HERC2: variants seen among roughly 807,000 people sequenced by gnomAD.
HERC2 encodes E3 ubiquitin-protein ligase HERC2.
HERC2 carries 102 observed loss-of-function variants against 537.7 expected under a neutral mutation model. That is an observed-to-expected ratio of 0.19 (90% CI 0.16 to 0.22). HERC2 has a LOEUF of 0.22. HERC2 is among the 10% of genes least tolerant of loss of function. HERC2 has a pLI of 1.00. For missense variants in HERC2, 4,236 were observed against 6,198.2 expected, an observed-to-expected ratio of 0.68 and a Z score of 10.63; for synonymous variants, 2,224 against 2,466.2, an observed-to-expected ratio of 0.90 and a Z score of 2.91.
chr15:28,210,339 T>C (rs1310725339), intron 44 of HERC2, among the ~76,000 whole-genome samples: 1 of 152,182 alleles, frequency 6.6e-6, no homozygotes, highest in Non-Finnish European at 1.5e-5. Flanking sequence ...TTCACCATGT[T>C]AGCCAGGATG....
intron 2 of HERC2, among the ~76,000 whole-genome samples, chr15:28,306,129 G>A (rs1183510121): frequency 3.3e-5 from 5 of 152,204 alleles, no homozygotes; most frequent in African/African-American, 1.2e-4. Flanking sequence ...GTGACAGTGG[G>A]CATCCGTGTC....
intron 5 of HERC2, among the ~76,000 whole-genome samples, chr15:28,275,495 C>G (rs994579365): frequency 2.6e-5 from 4 of 152,236 alleles, no homozygotes; most frequent in Admixed American, 2.6e-4. Context: ...GGGCATTGCC[C>G]TCTTCTGACG....
At chr15:28,271,933 C>A (rs1326141730) in intron 9 of HERC2, 12 of 456,442 alleles carry the variant, frequency 2.6e-5, no homozygotes, top group Non-Finnish European at 4.6e-5. Context: ...TAGGAAGGAC[C>A]AACAAAGCAG....
chr15:28,240,200 C>T (rs1329506984), intron 23 of HERC2, among the ~76,000 whole-genome samples: 5 of 152,196 alleles, frequency 3.3e-5, no homozygotes, highest in African/African-American at 4.8e-5. Flanking sequence ...GGGCAGATCA[C>T]AAGGTCAGGA....
In HERC2 at chr15:28,123,115, A is replaced by G. The variant is rs150268966; in HGVS notation, c.13188+922T>C. On this transcript the variant is annotated intron_variant, in intron 85 of 92. Transcript: ENST00000261609. ...CTCTCATCAGAGAGATGGTCTTTCC[A>G]TTAAACACAAGCCTGACCACTTCCA... 5.6e-3 allele frequency among the ~76,000 whole-genome samples: 854 copies of G among 152,286 alleles called. 6 individuals carry two copies. Among genetic ancestry groups the G allele is most frequent in the African/African-American group, 0.019 (808 of 41,556 alleles).
Position 28,265,509 on chromosome 15 carries a change from G to A in HERC2, c.1870+109C>T, listed in dbSNP as rs567079533. 6.5e-4 allele frequency: 543 copies of A among 841,828 alleles called. No homozygotes were observed. The East Asian group carries it at 9.3e-3, about 14-fold the overall frequency. 52.1% of individuals were successfully genotyped at this position (841,828 alleles called of 1,614,324 possible). On this transcript the variant is annotated intron_variant, in intron 14 of 92. Transcript: ENST00000261609. The surrounding 1 kb of genome is among the most constrained non-coding windows in gnomAD (Gnocchi z 4.0). ...CCACTGAGCCCCACACCCACTGGGC[G>A]ACAGGGTGGGTGGCCTCGTGAGGCC...
chr15:28,207,978 G>A (rs1360137871), intron 44 of HERC2, among the ~76,000 whole-genome samples: 6 of 152,082 alleles, frequency 3.9e-5, no homozygotes, highest in South Asian at 2.1e-4. Flanking sequence ...GTCCCTGCTC[G>A]GCCCAAAGCA....
rs1567022971 is a variant in HERC2, at chr15:28,213,818, G to T, written c.6710C>A (p.Thr2237Asn). The change falls in exon 42 of 93, where the codon ACC becomes AAC. Residue 2237 changes from threonine to asparagine, a missense_variant. Thr to Asn is a moderately conservative substitution (Grantham distance 65). Around this residue, in one of 27 missense-constraint regions of HERC2, gnomAD observed 365 missense variants for 468.8 expected, o/e 0.78. Transcript: ENST00000261609. Reference sequence around the variant, plus strand: ...CTGCACGGTGATTTTGCCCTTTGGGGTGATGCGAGTCACAGTGCCTTCTCC... The same window carrying T: ...CTGCACGGTGATTTTGCCCTTTGGGTTGATGCGAGTCACAGTGCCTTCTCC... ...EFGEGTVTRI[T>N]PKGKITVQFS... The T allele has an allele frequency of 6.2e-7, 1 of 1,614,018 alleles. No individual in the cohort carries two copies. The highest frequency in any genetic ancestry group is 8.5e-7 in the Non-Finnish European group (1 of 1,179,882).
At chr15:28,187,876 C>T (rs1896463694) in intron 55 of HERC2, among the ~76,000 whole-genome samples, 1 of 152,220 alleles carries the variant, frequency 6.6e-6, no homozygotes, top group Admixed American at 6.5e-5. Context: ...ATGTGGCCGA[C>T]TGCATGCCTG....
intron 21 of HERC2, among the ~76,000 whole-genome samples, chr15:28,247,421 C>CTTTTTT (rs71132843): frequency 3.3e-4 from 25 of 76,160 alleles, no homozygotes; most frequent in Admixed American, 8.1e-4. Flanking sequence ...CTACATGGTT[C>CTTTTTT]TTTTTTTTTT....
At chr15:28,275,611 T>A (rs2075851240) in intron 5 of HERC2, among the ~76,000 whole-genome samples, 1 of 152,180 alleles carries the variant, frequency 6.6e-6, no homozygotes, top group Non-Finnish European at 1.5e-5. Context: ...GTTATGCATA[T>A]GGTACACCAT....
intron 89 of HERC2, 22 bp downstream of exon 89, chr15:28,115,407 G>T: frequency 6.4e-7 from 1 of 1,572,592 alleles, no homozygotes; most frequent in Non-Finnish European, 8.7e-7. Context: ...TAGAGGCCCC[G>T]CCTGCCGCCC....
chr15:28,225,260 G>GACAAAA (rs141737904), intron 35 of HERC2, among the ~76,000 whole-genome samples: 13,700 of 150,932 alleles, frequency 0.091, 2,093 homozygotes, highest in African/African-American at 0.32. Flanking sequence ...TCAAAACAAA[G>GACAAAA]ACAAAAACAA....
At chr15:28,119,458 T>G in intron 86 of HERC2, among the ~76,000 whole-genome samples, 1 of 141,994 alleles carries the variant, frequency 7.0e-6, no homozygotes, top group Admixed American at 7.1e-5. Context: ...AAGTTGTCGT[T>G]TTTTGTTTGC....
chr15:28,174,745 G>A (rs1193185744), intron 64 of HERC2, 125 bp from the exon 65 acceptor site: 4 of 780,412 alleles, frequency 5.1e-6, no homozygotes, highest in African/African-American at 1.8e-5. Context: ...GTTCTTAAAG[G>A]TAAAAACAAA....
intron 76 of HERC2, 129 bp from the exon 77 acceptor site, chr15:28,141,975 T>G (rs1469398759): frequency 1.3e-6 from 1 of 799,062 alleles, no homozygotes; most frequent in Non-Finnish European, 2.1e-6. Flanking sequence ...ATGTTATGGT[T>G]CATGGGCAAA....
At chr15:28,245,654 CATAT>C in intron 23 of HERC2, among the ~76,000 whole-genome samples, 1 of 149,972 alleles carries the variant, frequency 6.7e-6, no homozygotes, top group Middle Eastern at 3.4e-3. Flanking sequence ...TATACACACT[CATAT>C]ATACACACAC....
At chr15:28,304,366 CT>C (rs567606595) in intron 2 of HERC2, among the ~76,000 whole-genome samples, 3,046 of 137,134 alleles carry the variant, frequency 0.022, 47 homozygotes, top group African/African-American at 0.069. Flanking sequence ...TTTATTTCTT[CT>C]TTTTTTTTTT....
intron 23 of HERC2, among the ~76,000 whole-genome samples, chr15:28,240,180 A>G (rs1174867896): frequency 6.6e-6 from 1 of 152,226 alleles, no homozygotes; most frequent in Non-Finnish European, 1.5e-5. Flanking sequence ...GCACTTTGGG[A>G]GGCCAAGGTG....
Sources: gnomAD v4.1 joint callset for allele counts (sites outside exome capture counted in the v4.1 genomes callset) on GRCh38, gnomAD v4.1.1 for gene constraint, gnomAD v4.1.1 regional missense constraint, Gnocchi (gnomAD v3.1) non-coding constraint, MANE v1.5 for transcripts, NCBI Gene and HGNC (gene_info 2026-07-23, HGNC 2026-07-21) for gene names.